Variants in STK24 observed in about 807,000 individuals in gnomAD.
The protein encoded by STK24 is serine/threonine kinase 24.
In STK24, 21 loss-of-function variants were observed where a neutral mutation model predicts 55.6. The observed-to-expected ratio is 0.38, with a 90% CI of 0.27 to 0.54. STK24 has a LOEUF of 0.54. Among genes scored for constraint, STK24 ranks in the 20% least tolerant of loss-of-function variants. The pLI, the probability that STK24 is intolerant of heterozygous loss-of-function variation, is 0.79. For missense variants in STK24, 383 were observed against 538.4 expected (o/e 0.71, Z 2.86); for synonymous variants, 200 against 215.2 (o/e 0.93, Z 0.62).
intron 2 of STK24, chr13:98,508,903 G>A (rs376467040): frequency 7.2e-6 from 1 of 139,048 alleles, no homozygotes. Flanking sequence ...AGTTCTCAAA[G>A]GGATGGTCAA....
chr13:98,546,892 C>A (rs1482387237), intron 1 of STK24, among the ~76,000 whole-genome samples: 1 of 70,920 alleles, frequency 1.4e-5, no homozygotes, highest in Non-Finnish European at 3.5e-5. Flanking sequence ...CCTTCCATAT[C>A]TAATTGTTGT....
chr13:98,563,559 G>A (rs569257917), intron 1 of STK24, among the ~76,000 whole-genome samples: 22 of 152,188 alleles, frequency 1.4e-4, no homozygotes, highest in African/African-American at 4.3e-4. Context: ...TTAAAATGCC[G>A]TATAAAACAC....
chr13:98,459,559 T>C (rs1328795300), intron 9 of STK24, among the ~76,000 whole-genome samples: 1 of 152,220 alleles, frequency 6.6e-6, no homozygotes, highest in Non-Finnish European at 1.5e-5. Flanking sequence ...GGTCCCCCGC[T>C]GCGTGACGCA....
chr13:98,510,256 G>T (rs865842468), intron 2 of STK24, among the ~76,000 whole-genome samples: 1 of 152,174 alleles, frequency 6.6e-6, no homozygotes, highest in Admixed American at 6.5e-5. Flanking sequence ...ACCATTATGC[G>T]TGAGCCCATC....
At chr13:98,522,602 C>T (rs934191233) in intron 1 of STK24, among the ~76,000 whole-genome samples, 1 of 152,354 alleles carries the variant, frequency 6.6e-6, no homozygotes, top group Non-Finnish European at 1.5e-5. Flanking sequence ...CCAGACATCT[C>T]TAGCTCAACA....
At chr13:98,493,608 TTC>T in intron 2 of STK24, among the ~76,000 whole-genome samples, 1 of 152,306 alleles carries the variant, frequency 6.6e-6, no homozygotes, top group African/African-American at 2.4e-5. Context: ...GTAACACGTG[TTC>T]TTTCTGCAAA....
chr13:98,503,793 A>G (rs1895582651), intron 2 of STK24, among the ~76,000 whole-genome samples: 1 of 152,212 alleles, frequency 6.6e-6, no homozygotes, highest in Admixed American at 6.5e-5. Flanking sequence ...TTCCTTTTTT[A>G]AAACTGCACT....
intron 1 of STK24, among the ~76,000 whole-genome samples, chr13:98,542,248 G>C (rs1278681637): frequency 6.6e-6 from 1 of 152,182 alleles, no homozygotes; most frequent in Non-Finnish European, 1.5e-5. Flanking sequence ...TTGTAAATGG[G>C]ACTTAAATAA....
chr13:98,458,647 T>TC (rs1443274922), intron 9 of STK24, among the ~76,000 whole-genome samples: 1 of 152,122 alleles, frequency 6.6e-6, no homozygotes, highest in East Asian at 1.9e-4. Context: ...TCCAGCACTC[T>TC]CCCTCCTGCC....
intron 1 of STK24, among the ~76,000 whole-genome samples, chr13:98,535,086 C>T (rs1282974036): frequency 6.6e-6 from 1 of 152,096 alleles, no homozygotes; most frequent in Non-Finnish European, 1.5e-5. Context: ...TGGTGGCTCA[C>T]GCCTGTAATC....
intron 1 of STK24, among the ~76,000 whole-genome samples, chr13:98,565,907 C>T (rs1215747649): frequency 2.0e-5 from 3 of 152,226 alleles, no homozygotes; most frequent in Non-Finnish European, 4.4e-5. Context: ...GAACAAGTTT[C>T]CCGATCAGGA....
chr13:98,537,024 C>T (rs561711890), intron 1 of STK24, among the ~76,000 whole-genome samples: 3 of 152,292 alleles, frequency 2.0e-5, no homozygotes, highest in East Asian at 1.9e-4. Context: ...TTGAAGCAGC[C>T]GCCTCCAAAG....
chr13:98,521,422 T>C (rs1424381585), intron 1 of STK24, among the ~76,000 whole-genome samples: 2 of 152,164 alleles, frequency 1.3e-5, no homozygotes, highest in African/African-American at 4.8e-5. Context: ...ACCAAGATAG[T>C]CAATGACCCA....
chr13:98,455,072 C>T (rs4772082), intron 10 of STK24: 123,229 of 152,184 alleles, frequency 0.81, 50,509 homozygotes, highest in Non-Finnish European at 0.89. Flanking sequence ...AAGTGTAAAA[C>T]ACACACCAAC....
chr13:98,548,949 C>G (rs1897097184), intron 1 of STK24, among the ~76,000 whole-genome samples: 2 of 151,584 alleles, frequency 1.3e-5, no homozygotes, highest in East Asian at 3.9e-4. Flanking sequence ...CCAAGGTATG[C>G]CCTTTAGTAA....
chr13:98,568,282 C>A (rs1219303857), intron 1 of STK24, among the ~76,000 whole-genome samples: 1 of 152,090 alleles, frequency 6.6e-6, no homozygotes, highest in Admixed American at 6.5e-5. Context: ...CAGGCATGAG[C>A]CATCGCGCCG....
intron 10 of STK24, chr13:98,456,608 T>C (rs1237544303): frequency 4.2e-6 from 2 of 472,438 alleles, no homozygotes; most frequent in Middle Eastern, 3.3e-4. Context: ...GTCACCCCAC[T>C]GAGTCCTCAC....
intron 1 of STK24, among the ~76,000 whole-genome samples, chr13:98,528,396 G>T (rs1896491932): frequency 6.6e-6 from 1 of 152,168 alleles, no homozygotes; most frequent in Non-Finnish European, 1.5e-5. Context: ...GCCCAGTCTA[G>T]GTGGGGGGCA....
At chr13:98,569,356 C>A (rs1341117672) in intron 1 of STK24, among the ~76,000 whole-genome samples, 1 of 147,948 alleles carries the variant, frequency 6.8e-6, no homozygotes, top group Non-Finnish European at 1.5e-5. Context: ...GAAAATGGCG[C>A]ACTATATGCC....
Sources: allele counts gnomAD v4.1 joint callset (sites outside exome capture counted in the v4.1 genomes callset), GRCh38; gene constraint gnomAD v4.1.1; transcripts MANE v1.5; gene names NCBI Gene and HGNC (gene_info 2026-07-23, HGNC 2026-07-21).